Variants in SULF1 observed in about 807,000 individuals in gnomAD.
SULF1 encodes sulfatase 1.
In SULF1, 46 loss-of-function variants were observed where a neutral mutation model predicts 110.5. The observed-to-expected ratio is 0.42, with a 90% CI of 0.33 to 0.53. The LOEUF is 0.53. SULF1 is among the 20% of genes least tolerant of loss of function. The pLI, the probability that SULF1 is intolerant of heterozygous loss-of-function variation, is 0.12. For synonymous variants in SULF1, 371 were observed against 387.1 expected (o/e 0.96, Z 0.49); for missense variants, 941 against 1,094.2 (o/e 0.86, Z 1.98).
At chr8:69,526,466 T>C (rs1212902741) in intron 3 of SULF1, among the ~76,000 whole-genome samples, 5 of 151,814 alleles carry the variant, frequency 3.3e-5, no homozygotes, top group African/African-American at 1.2e-4. Context: ...TCCTAAAGCT[T>C]ATAGAAAAAG....
chr8:69,512,316 C>G (rs991980242), intron 3 of SULF1, among the ~76,000 whole-genome samples: 1 of 152,126 alleles, frequency 6.6e-6, no homozygotes, highest in African/African-American at 2.4e-5. Flanking sequence ...ATCAGCCCAC[C>G]AACATCTACC....
chr8:69,498,011 A>G (rs1810488184), intron 2 of SULF1, among the ~76,000 whole-genome samples: 1 of 152,218 alleles, frequency 6.6e-6, no homozygotes, highest in African/African-American at 2.4e-5. Context: ...TTTTAGAGTA[A>G]GAAGAGATAT....
At chr8:69,490,694 G>C (rs761742106), upstream of SULF1, among the ~76,000 whole-genome samples, 2 of 152,126 alleles carry the variant, frequency 1.3e-5, no homozygotes, top group Non-Finnish European at 2.9e-5. Flanking sequence ...GCTTTCAGTA[G>C]AATAGAAAAA....
chr8:69,473,098 C>G (rs769821723), intron 1 of SULF1: 1 of 152,078 alleles, frequency 6.6e-6, no homozygotes, highest in Non-Finnish European at 1.5e-5. Flanking sequence ...GTTCAGCCTC[C>G]CAAAGTGCTG....
chr8:69,494,942 G>T (rs1021994848), intron 1 of SULF1, among the ~76,000 whole-genome samples: 1 of 152,038 alleles, frequency 6.6e-6, no homozygotes, highest in Admixed American at 6.6e-5. Context: ...ACTGCTGGGG[G>T]CACTGAGCAG....
At chr8:69,596,765 T>C (rs899235514) in intron 8 of SULF1, among the ~76,000 whole-genome samples, 1 of 152,164 alleles carries the variant, frequency 6.6e-6, no homozygotes, top group Non-Finnish European at 1.5e-5. Context: ...GGGACTAATG[T>C]GCCCTGCTGA....
intron 7 of SULF1, among the ~76,000 whole-genome samples, chr8:69,587,338 A>G (rs1200609635): frequency 6.6e-6 from 1 of 152,218 alleles, no homozygotes; most frequent in Non-Finnish European, 1.5e-5. Context: ...CCAACAGGCT[A>G]GATCACTTGG....
chr8:69,550,707 G>C (rs912839328), intron 3 of SULF1, among the ~76,000 whole-genome samples: 5 of 152,176 alleles, frequency 3.3e-5, no homozygotes, highest in Middle Eastern at 3.2e-3. Flanking sequence ...GAAAACTAGG[G>C]CTCCAAAACT....
intron 3 of SULF1, among the ~76,000 whole-genome samples, chr8:69,503,889 C>A (rs1174490813): frequency 6.6e-6 from 1 of 151,908 alleles, no homozygotes; most frequent in Non-Finnish European, 1.5e-5. Context: ...AACCTCCGAC[C>A]CCTGAGTTCA....
At chr8:69,568,564 G>C (rs1804973738) in intron 5 of SULF1, among the ~76,000 whole-genome samples, 1 of 152,168 alleles carries the variant, frequency 6.6e-6, no homozygotes, top group Non-Finnish European at 1.5e-5. Flanking sequence ...CACATGAGTT[G>C]GGTGGGTAGG....
intron 3 of SULF1, among the ~76,000 whole-genome samples, chr8:69,533,304 G>A (rs2150647889): frequency 6.6e-6 from 1 of 152,260 alleles, no homozygotes; most frequent in Non-Finnish European, 1.5e-5. Flanking sequence ...TGTTACACAG[G>A]TACACATGTG....
intron 8 of SULF1, among the ~76,000 whole-genome samples, chr8:69,598,897 AC>A: frequency 6.6e-6 from 1 of 152,324 alleles, no homozygotes; most frequent in East Asian, 1.9e-4. Flanking sequence ...CTACTGGGTA[AC>A]CAGCACCCAT....
chr8:69,468,370 A>G (rs897433688), intron 1 of SULF1, among the ~76,000 whole-genome samples: 21 of 152,260 alleles, frequency 1.4e-4, no homozygotes, highest in African/African-American at 5.1e-4. Flanking sequence ...GTTGCATTAT[A>G]CATATTTTTG....
rs1812854507 is a variant in SULF1 at position 69,658,011 on chromosome 8, G to A, written c.2586-494G>A. On this transcript the variant is annotated intron_variant, in intron 22 of 22. Transcript: ENST00000402687. The stretch of plus-strand genomic sequence containing the variant: ...TTGCATTCAGATTTGCTTTTATACT[G>A]AGTGTTAGGGAATATAAAATAAAAA... Among the ~76,000 whole-genome samples, 10 of 152,298 alleles carry A rather than the reference G, an allele frequency of 6.6e-5. No individual in the cohort carries two copies. The South Asian group carries it at 2.1e-3, about 32-fold the overall frequency.
At chr8:69,481,527 A>G (rs1250160854) in intron 1 of SULF1, among the ~76,000 whole-genome samples, 21 of 152,132 alleles carry the variant, frequency 1.4e-4, no homozygotes, top group Admixed American at 1.4e-3. Context: ...AACGTGTGCC[A>G]TGGTGGTTTG....
intron 3 of SULF1, among the ~76,000 whole-genome samples, chr8:69,530,174 C>T (rs1023626358): frequency 3.3e-5 from 5 of 152,210 alleles, no homozygotes; most frequent in South Asian, 2.1e-4. Context: ...CTCTCAACTC[C>T]GGTCATTCTA....
chr8:69,588,851 TC>T, intron 7 of SULF1, 120 bp from the exon 8 acceptor site: 1 of 902,836 alleles, frequency 1.1e-6, no homozygotes, highest in Non-Finnish European at 1.7e-6. Flanking sequence ...CAGCCTTCCT[TC>T]CTGCTGTAGA....
intron 3 of SULF1, among the ~76,000 whole-genome samples, chr8:69,512,709 T>G (rs1352560142): frequency 1.3e-5 from 2 of 152,072 alleles, no homozygotes; most frequent in African/African-American, 4.8e-5. Context: ...TGTTCTTTCC[T>G]CCTTCACCTC....
intron 17 of SULF1, 112 bp downstream of exon 17, chr8:69,627,978 G>A (rs898544326): frequency 1.1e-6 from 1 of 934,782 alleles, no homozygotes; most frequent in Non-Finnish European, 1.7e-6. Context: ...TTGTCATAGA[G>A]TACGATAACC....
Sources: gnomAD v4.1 joint callset for allele counts (sites outside exome capture counted in the v4.1 genomes callset) on GRCh38, gnomAD v4.1.1 for gene constraint, MANE v1.5 for transcripts, NCBI Gene and HGNC (gene_info 2026-07-23, HGNC 2026-07-21) for gene names.